The following CHD7 variants were observed in gnomAD, a reference collection of about 807,000 sequenced individuals.
CHD7 encodes the protein chromodomain helicase DNA binding protein 7.
In CHD7, 24 loss-of-function variants were observed where a neutral mutation model predicts 307.3. The ratio of observed to expected loss-of-function variants is 0.08; its 90% CI spans 0.06 to 0.11. The LOEUF (loss-of-function observed/expected upper bound fraction) is 0.11, where lower values mean the gene tolerates loss of function less well. Ranked by LOEUF, CHD7 falls within the 10% of genes least tolerant of loss-of-function variation. CHD7 has a pLI of 1.00. For synonymous variants in CHD7, 1,363 were observed against 1,349.9 expected (o/e 1.01, Z -0.21); for missense variants, 3,106 against 3,727.1 (o/e 0.83, Z 4.34).
chr8:60,745,053 A>G (rs1358127002), intron 2 of CHD7, among the ~76,000 whole-genome samples: 1 of 150,932 alleles, frequency 6.6e-6, no homozygotes, highest in Non-Finnish European at 1.5e-5. Flanking sequence ...GGTGATCCTC[A>G]TATAACCACC....
chr8:60,749,823 G>A (rs577083938), intron 2 of CHD7, among the ~76,000 whole-genome samples: 1 of 152,182 alleles, frequency 6.6e-6, no homozygotes, highest in South Asian at 2.1e-4. Flanking sequence ...GCCTTTACTG[G>A]TCTCTCTTTC....
rs753733294 is a variant in CHD7, at chr8:60,741,958, G to C, written c.526G>C (p.Gly176Arg). 1 of 1,613,690 alleles carries C rather than the reference G, an allele frequency of 6.2e-7. No homozygotes were observed. Among genetic ancestry groups the C allele is most frequent in the Non-Finnish European group, 8.5e-7 (1 of 1,179,792 alleles). Residue 176 changes from glycine to arginine, a missense_variant, in exon 2 of 38, where the codon GGG (glycine) becomes CGG (arginine). Coordinates refer to ENST00000423902, the MANE Select transcript of CHD7 (RefSeq NM_017780.4). ...QPQPPQPAPS[G>R]PPAQGHPQHM... The stretch of plus-strand genomic sequence containing the variant: ...GCAGCCACCGCAGCCGGCTCCGTCG[G>C]GGCCCCCTGCACAGGGCCACCCTCA...
chr8:60,703,155 C>T (rs1379599080), intron 1 of CHD7, among the ~76,000 whole-genome samples: 1 of 152,158 alleles, frequency 6.6e-6, no homozygotes, highest in Admixed American at 6.5e-5. Context: ...CTCCTCCTTC[C>T]TTTTTCTTAT....
chr8:60,865,357 G>C lies in CHD7; in HGVS notation c.8418G>C (p.Leu2806=), dbSNP rs776919709. ...TGATGCTGCCAGGAATGGCGGGCCTGCCCAACGTGTTTGGCTTGGGCGGGC... is the reference window on the plus strand; with the variant it reads ...TGATGCTGCCAGGAATGGCGGGCCTCCCCAACGTGTTTGGCTTGGGCGGGC... ...LPLMLPGMAG[L]PNVFGLGGLL... The change falls in exon 38 of 38, where the codon CTG becomes CTC. Residue 2806 remains leucine (L), a synonymous_variant. Coordinates refer to ENST00000423902, the MANE Select transcript of CHD7 (RefSeq NM_017780.4). This position sits in a 1 kb window ranked among gnomAD's most constrained non-coding sequence, Gnocchi z 4.3. 1.6e-5 allele frequency: 26 copies of C among 1,611,200 alleles called. No homozygotes were observed. The highest frequency in any genetic ancestry group is 8.5e-6 in the Non-Finnish European group (10 of 1,179,030).
At chr8:60,834,151 C>G (rs1804645386) in intron 15 of CHD7, among the ~76,000 whole-genome samples, 1 of 152,092 alleles carries the variant, frequency 6.6e-6, no homozygotes, top group Admixed American at 6.5e-5. Flanking sequence ...TTAAAATTCT[C>G]TGCAAATTTG....
intron 7 of CHD7, among the ~76,000 whole-genome samples, chr8:60,811,479 C>A (rs976563819): frequency 6.6e-6 from 1 of 152,146 alleles, no homozygotes; most frequent in Non-Finnish European, 1.5e-5. Flanking sequence ...TCCTGGAAAT[C>A]ACTCTACATC....
intron 1 of CHD7, among the ~76,000 whole-genome samples, chr8:60,686,959 G>A (rs957515787): frequency 3.3e-5 from 5 of 152,084 alleles, no homozygotes; most frequent in African/African-American, 1.2e-4. Context: ...GTTTTGTTTC[G>A]TTTTCGAGAT....
chr8:60,788,914 A>G (rs1322945033), intron 3 of CHD7, among the ~76,000 whole-genome samples: 1 of 152,184 alleles, frequency 6.6e-6, no homozygotes, highest in Admixed American at 6.5e-5. Context: ...AACTTTCTTT[A>G]AAATTTTTAT....
intron 23 of CHD7, among the ~76,000 whole-genome samples, chr8:60,847,517 T>C (rs549194734): frequency 6.6e-6 from 1 of 152,348 alleles, no homozygotes; most frequent in Admixed American, 6.5e-5. Context: ...TGTAAAGTGC[T>C]GTACAAGTAC....
In CHD7 at chr8:60,849,002, T is replaced by C; in HGVS notation, c.5301-49T>C. 2.8e-6 allele frequency: 4 copies of C among 1,405,378 alleles called. No homozygotes were observed. In the South Asian group the frequency reaches 3.5e-5, roughly 12 times the overall value. 87.1% of individuals were successfully genotyped at this position (1,405,378 alleles called of 1,614,324 possible). On this transcript the variant is annotated intron_variant, in intron 24 of 37. Transcript: ENST00000423902. ...GTGAGCTATGTATCACATTCATTACTTGGAATTCTTTTTTAATACTAATAT... is the reference window on the plus strand; with the variant it reads ...GTGAGCTATGTATCACATTCATTACCTGGAATTCTTTTTTAATACTAATAT...
At chr8:60,743,207 G>A in intron 2 of CHD7, 110 bp downstream of exon 2, 1 of 911,048 alleles carries the variant, frequency 1.1e-6, no homozygotes, top group Non-Finnish European at 1.7e-6. Context: ...CATTATGAGT[G>A]CCTTAATTTT....
At chr8:60,775,933 A>AT (rs11382482) in intron 2 of CHD7, among the ~76,000 whole-genome samples, 28,271 of 151,832 alleles carry the variant, frequency 0.19, 3,869 homozygotes, top group African/African-American at 0.39. Flanking sequence ...AATTTTTTGT[A>AT]TTTTTTAGTA....
chr8:60,813,227 A>T (rs7834977), intron 7 of CHD7, among the ~76,000 whole-genome samples: 123,067 of 152,194 alleles, frequency 0.81, 49,950 homozygotes, highest in East Asian at 0.94. Flanking sequence ...TGAAGACAAT[A>T]TGTTGGCTTC....
intron 1 of CHD7, among the ~76,000 whole-genome samples, chr8:60,699,514 C>G (rs1806649692): frequency 6.6e-6 from 1 of 151,642 alleles, no homozygotes. Context: ...TTACATTTCA[C>G]TTAAAAAAAA....
chr8:60,864,817 A>AT (rs1806165875), intron 37 of CHD7, 199 bp from the exon 38 acceptor site: 1 of 596,546 alleles, frequency 1.7e-6, no homozygotes, highest in African/African-American at 1.9e-5. Context: ...GCCTTGAGCA[A>AT]TTTTTCTGCA....
intron 2 of CHD7, among the ~76,000 whole-genome samples, chr8:60,768,265 G>T (rs186283287): frequency 3.2e-4 from 49 of 152,316 alleles, no homozygotes; most frequent in African/African-American, 1.2e-3. Flanking sequence ...CAGATGGTCT[G>T]AGAGTTAGAA....
intron 3 of CHD7, among the ~76,000 whole-genome samples, chr8:60,783,146 C>G (rs35168272): frequency 0.53 from 80,741 of 151,878 alleles, 25,675 homozygotes; most frequent in East Asian, 0.79. Flanking sequence ...GAAAATAACA[C>G]TTTATATTAG....
At chr8:60,851,211 A>G in intron 27 of CHD7, 51 bp from the exon 28 acceptor site, 1 of 1,524,134 alleles carries the variant, frequency 6.6e-7, no homozygotes, top group Admixed American at 2.0e-5. Flanking sequence ...AAAGACAAAG[A>G]AAAATGAGAC....
intron 6 of CHD7, among the ~76,000 whole-genome samples, chr8:60,807,443 A>G (rs1012906524): frequency 6.6e-6 from 1 of 152,254 alleles, no homozygotes; most frequent in African/African-American, 2.4e-5. Flanking sequence ...AGAGATGCCT[A>G]AAATACCATC....
Sources: gnomAD v4.1 joint callset for allele counts (sites outside exome capture counted in the v4.1 genomes callset) on GRCh38, gnomAD v4.1.1 for gene constraint, Gnocchi (gnomAD v3.1) non-coding constraint, MANE v1.5 for transcripts, NCBI Gene and HGNC (gene_info 2026-07-23, HGNC 2026-07-21) for gene names.